The following CX3CR1 variants were observed in gnomAD, a reference collection of about 807,000 sequenced individuals.
CX3CR1 encodes the protein C-X3-C motif chemokine receptor 1.
For synonymous variants in CX3CR1, 168 were observed against 178.5 expected (o/e 0.94, Z 0.47); for missense variants, 363 against 432.4 (o/e 0.84, Z 1.42).
At position 39,274,019 on chromosome 3, in the gene CX3CR1, G is replaced by A. The variant is rs565930143; in HGVS notation, c.-10+5935C>T. Among the ~76,000 whole-genome samples, 5 of 152,334 alleles carry A rather than the reference G, an allele frequency of 3.3e-5. No homozygotes were observed. The South Asian group carries it at 1.0e-3, about 32-fold the overall frequency. Reference sequence around the variant, plus strand: ...GAGAGGCTGCCCAGCAGCCTGCCCAGGGAACATGACACTTCTACACTTCTG... The same window carrying A: ...GAGAGGCTGCCCAGCAGCCTGCCCAAGGAACATGACACTTCTACACTTCTG... On this transcript the variant is annotated intron_variant, in intron 1 of 1. Transcript: ENST00000399220.
chr3:39,277,771 A>G (rs1462571492), intron 1 of CX3CR1, among the ~76,000 whole-genome samples: 6 of 152,108 alleles, frequency 3.9e-5, no homozygotes, highest in Non-Finnish European at 8.8e-5. Flanking sequence ...GGTCAGCTCT[A>G]ATACGTTCTT....
intron 1 of CX3CR1, 189 bp from the exon 2 acceptor site, chr3:39,266,707 C>CTCTTCT (rs1322843847): frequency 2.6e-6 from 2 of 767,584 alleles, no homozygotes; most frequent in African/African-American, 3.4e-5. Context: ...CTGCAACAGA[C>CTCTTCT]TCTTCTGACA....
chr3:39,288,471 A>G, the CX3CR1 span, among the ~76,000 whole-genome samples: 4 of 152,142 alleles, frequency 2.6e-5, no homozygotes. Context: ...TACAGGAGTG[A>G]GCTGCCTTGC....
chr3:39,290,641 G>A, the CX3CR1 span, among the ~76,000 whole-genome samples: 4 of 152,160 alleles, frequency 2.6e-5, no homozygotes, highest in Non-Finnish European at 5.9e-5. Context: ...GTCAGATAGG[G>A]CCGGGCGCAG....
intron 1 of CX3CR1, among the ~76,000 whole-genome samples, chr3:39,273,192 A>C (rs1406685480): frequency 6.6e-6 from 1 of 152,274 alleles, no homozygotes; most frequent in Non-Finnish European, 1.5e-5. Flanking sequence ...AAACTGGTCC[A>C]TGATGCATCT....
chr3:39,279,938 A>C lies in CX3CR1; in HGVS notation c.-10+16T>G. On this transcript the variant is annotated intron_variant, in intron 1 of 1. Transcript: ENST00000399220. ...CCACCCCACCCACAGGTACCCAACT[A>C]GTCCTGTGCACCTACCTGGCGTGGA... The C allele has an allele frequency of 1.0e-6, 1 of 979,100 alleles. No individual in the cohort carries two copies. The highest frequency in any genetic ancestry group is 1.2e-6 in the Non-Finnish European group (1 of 824,088). 60.7% of individuals were successfully genotyped at this position (979,100 alleles called of 1,614,324 possible).
chr3:39,292,043 C>G, the CX3CR1 span, among the ~76,000 whole-genome samples: 5 of 152,226 alleles, frequency 3.3e-5, no homozygotes, highest in Non-Finnish European at 7.3e-5. Flanking sequence ...TTGTGGTAAT[C>G]ACATGAAGTG....
upstream of CX3CR1, among the ~76,000 whole-genome samples, chr3:39,283,550 C>T (rs930984733): frequency 2.0e-5 from 3 of 151,386 alleles, no homozygotes; most frequent in South Asian, 2.1e-4. Context: ...GGGAGGCCAA[C>T]GTGGGTGGAT....
At chr3:39,268,933 A>T (rs138513689) in intron 1 of CX3CR1, among the ~76,000 whole-genome samples, 111 of 152,312 alleles carry the variant, frequency 7.3e-4, no homozygotes, top group African/African-American at 2.6e-3. Context: ...CTTTGGAAAC[A>T]TCCAGGCTGC....
Position 39,266,280 on chromosome 3 carries a change from T to C in CX3CR1, c.230A>G (p.Asp77Gly). ...DIYLLNLALS[D>G]LLFVATLPFW... ...GGGCAAAGTGGCTACAAACAGCAGATCAGACAAGGCCAGGTTCAGGAGGTA... is the reference window on the plus strand; with the variant it reads ...GGGCAAAGTGGCTACAAACAGCAGACCAGACAAGGCCAGGTTCAGGAGGTA... The change falls in exon 2 of 2, where the codon GAT (aspartate) becomes GGT (glycine). Residue 77 changes from aspartate (D) to glycine (G), a missense_variant. Coordinates refer to ENST00000399220, the MANE Select transcript of CX3CR1 (RefSeq NM_001337.4). 6.2e-7 allele frequency: 1 copy of C among 1,614,172 alleles called. No homozygotes were observed. The highest frequency in any genetic ancestry group is 8.5e-7 in the Non-Finnish European group (1 of 1,180,034).
In CX3CR1 at chr3:39,264,832, C is replaced by T. The variant is rs2040672166; in HGVS notation, c.*610G>A. The T allele has an allele frequency of 6.6e-6, 1 of 152,328 alleles. No individual in the cohort carries two copies. Among genetic ancestry groups the T allele is most frequent in the African/African-American group, 2.4e-5 (1 of 41,446 alleles). 9.4% of individuals were successfully genotyped at this position (152,328 alleles called of 1,614,324 possible). A position where few individuals can be genotyped will look rare whatever the true frequency, so the allele number is the denominator to read the frequency against. ...TTGGAAATATGTATTTCTGCTTCTC[C>T]ATGAGATTGGACTGGAAGCTTCCAT... On this transcript the variant is annotated 3_prime_UTR_variant, in exon 2 of 2. Transcript: ENST00000399220.
chr3:39,267,912 GC>G (rs1163199405), intron 1 of CX3CR1, among the ~76,000 whole-genome samples: 1 of 152,224 alleles, frequency 6.6e-6, no homozygotes, highest in Non-Finnish European at 1.5e-5. Context: ...CTGGGAGGCA[GC>G]CCTTTCACAC....
chr3:39,283,519 C>T (rs866576101), upstream of CX3CR1, among the ~76,000 whole-genome samples: 2 of 151,714 alleles, frequency 1.3e-5, no homozygotes, highest in African/African-American at 2.4e-5. Context: ...TGGTGGCTCA[C>T]GCCTGTAATT....
chr3:39,284,399 T>C, upstream of CX3CR1, among the ~76,000 whole-genome samples: 1 of 152,152 alleles, frequency 6.6e-6, no homozygotes, highest in Non-Finnish European at 1.5e-5. Flanking sequence ...TGACCTCAAG[T>C]GATCTGCCCA....
chr3:39,280,561 A>G (rs1173690827), upstream of CX3CR1: 2 of 779,316 alleles, frequency 2.6e-6, no homozygotes, highest in African/African-American at 1.9e-5. Context: ...TAAGTTTGAG[A>G]AGCTTTGGTA....
chr3:39,269,862 A>G (rs1428539733), intron 1 of CX3CR1, among the ~76,000 whole-genome samples: 1 of 152,226 alleles, frequency 6.6e-6, no homozygotes, highest in Non-Finnish European at 1.5e-5. Context: ...AGCCATCTGG[A>G]CCATGCTACA....
In CX3CR1 at chr3:39,266,252, G is replaced by GA; in HGVS notation, c.257dup (p.Trp87LeufsTer8). The GA allele has an allele frequency of 6.2e-7, 1 of 1,614,232 alleles. No homozygotes were observed. Among genetic ancestry groups the GA allele is most frequent in the Non-Finnish European group, 8.5e-7 (1 of 1,180,048 alleles). On this transcript the variant is annotated frameshift_variant, in exon 2 of 2. Transcript: ENST00000399220. LOFTEE classifies it low-confidence loss of function (END_TRUNC). ...TTTCATTTATCAAATAGTGAGTCCA[G>GA]AAGGGCAAAGTGGCTACAAACAGCA...
the CX3CR1 span, among the ~76,000 whole-genome samples, chr3:39,291,888 A>C: frequency 6.6e-5 from 10 of 152,244 alleles, no homozygotes; most frequent in Non-Finnish European, 1.5e-5. Context: ...CACTGAACCT[A>C]CAGCAGATGC....
upstream of CX3CR1, among the ~76,000 whole-genome samples, chr3:39,282,540 G>C (rs2040912844): frequency 6.6e-6 from 1 of 152,200 alleles, no homozygotes; most frequent in African/African-American, 2.4e-5. Context: ...AAAGGCAGGA[G>C]GCCAGACAGA....
Sources: gnomAD v4.1 joint callset for allele counts (sites outside exome capture counted in the v4.1 genomes callset) on GRCh38, gnomAD v4.1.1 for gene constraint, MANE v1.5 for transcripts, NCBI Gene and HGNC (gene_info 2026-07-23, HGNC 2026-07-21) for gene names.